The following PTPRN2 variants were observed in gnomAD, a reference collection of about 807,000 sequenced individuals.
The protein encoded by PTPRN2 is receptor-type tyrosine-protein phosphatase N2.
PTPRN2 carries 74 observed loss-of-function variants against 118.8 expected under a neutral mutation model. The observed-to-expected ratio is 0.62, with a 90% CI of 0.52 to 0.76. The LOEUF is 0.76. Among genes scored for constraint, PTPRN2 ranks in the 30% least tolerant of loss-of-function variants. The pLI, the probability that PTPRN2 is intolerant of heterozygous loss-of-function variation, is 0.00. For synonymous variants in PTPRN2, 641 were observed against 608.0 expected, an observed-to-expected ratio of 1.05 and a Z score of -0.80; for missense variants, 1,481 against 1,394.4, an observed-to-expected ratio of 1.06 and a Z score of -0.99.
chr7:157,756,947 T>C (rs1398347934), intron 12 of PTPRN2, among the ~76,000 whole-genome samples: 1 of 152,118 alleles, frequency 6.6e-6, no homozygotes, highest in Non-Finnish European at 1.5e-5. Context: ...CTGCGAAACA[T>C]GGACGGAGCC....
chr7:157,747,998 G>GCATGCAGT (rs1801114179), intron 12 of PTPRN2, among the ~76,000 whole-genome samples: 1 of 129,356 alleles, frequency 7.7e-6, no homozygotes, highest in Non-Finnish European at 1.6e-5. Context: ...TCTCTGAGCT[G>GCATGCAGT]TGGGGTGTCC....
intron 14 of PTPRN2, among the ~76,000 whole-genome samples, chr7:157,623,276 T>C (rs894363005): frequency 3.3e-5 from 5 of 151,966 alleles, no homozygotes; most frequent in African/African-American, 9.7e-5. Flanking sequence ...AGCTGGGAGG[T>C]TGATAGTTAT....
intron 11 of PTPRN2, among the ~76,000 whole-genome samples, chr7:158,011,162 C>T (rs1237820963): frequency 6.6e-6 from 1 of 152,184 alleles, no homozygotes; most frequent in Admixed American, 6.5e-5. Context: ...CACACAAAAC[C>T]CCACCTGGGT....
intron 11 of PTPRN2, among the ~76,000 whole-genome samples, chr7:157,994,095 A>G (rs1256711279): frequency 1.3e-5 from 2 of 152,064 alleles, no homozygotes; most frequent in African/African-American, 4.8e-5. Context: ...CACAGAGAAG[A>G]CCTAATGTAT....
At chr7:158,372,059 C>T (rs1213916127) in intron 2 of PTPRN2, among the ~76,000 whole-genome samples, 1 of 152,220 alleles carries the variant, frequency 6.6e-6, no homozygotes, top group Non-Finnish European at 1.5e-5. Context: ...CGCAGGGCCA[C>T]ACCTTCCGGG....
At chr7:158,228,720 A>G (rs1828978204) in intron 3 of PTPRN2, among the ~76,000 whole-genome samples, 1 of 152,128 alleles carries the variant, frequency 6.6e-6, no homozygotes, top group Non-Finnish European at 1.5e-5. Flanking sequence ...TTTGGCATCA[A>G]GAGTATGGGA....
chr7:158,071,001 A>ATGGTGGTGGAGGTGCTCG (rs1338367300), intron 11 of PTPRN2, among the ~76,000 whole-genome samples: 1 of 42,938 alleles, frequency 2.3e-5, no homozygotes, highest in Non-Finnish European at 4.1e-5. Context: ...GGAGGTGCTC[A>ATGGTGGTGGAGGTGCTCG]TGGTGGTGGA....
At chr7:157,819,606 G>A (rs1176457128) in intron 12 of PTPRN2, among the ~76,000 whole-genome samples, 1 of 149,780 alleles carries the variant, frequency 6.7e-6, no homozygotes, top group African/African-American at 2.5e-5. Flanking sequence ...CCGCCACAAG[G>A]GTACACCAAG....
intron 2 of PTPRN2, among the ~76,000 whole-genome samples, chr7:158,387,973 C>T (rs546014499): frequency 3.7e-4 from 56 of 152,294 alleles, no homozygotes; most frequent in African/African-American, 1.3e-3. Flanking sequence ...TTTACACACA[C>T]ATATATCTAT....
intron 15 of PTPRN2, among the ~76,000 whole-genome samples, chr7:157,608,903 C>T (rs1281868213): frequency 4.6e-5 from 7 of 152,180 alleles, no homozygotes; most frequent in East Asian, 3.9e-4. Flanking sequence ...CCATTAAGAA[C>T]GGGTGTGCTC....
intron 2 of PTPRN2, among the ~76,000 whole-genome samples, chr7:158,479,539 G>C (rs556738127): frequency 6.6e-6 from 1 of 152,210 alleles, no homozygotes; most frequent in Non-Finnish European, 1.5e-5. Flanking sequence ...CAGCAACTCT[G>C]AGACGCAGAG....
chr7:157,850,986 A>G (rs752499707), intron 12 of PTPRN2, among the ~76,000 whole-genome samples: 1 of 152,208 alleles, frequency 6.6e-6, no homozygotes, highest in African/African-American at 2.4e-5. Context: ...TGAAGGGTGG[A>G]AGAGAAAAGC....
rs150020536 is a variant in PTPRN2 at position 158,491,849 on chromosome 7, T to C, written c.113-2064A>G. Among the ~76,000 whole-genome samples the C allele has an allele frequency of 4.5e-3, 682 of 152,344 alleles. 5 individuals carry two copies. The highest frequency in any genetic ancestry group is 0.015 in the African/African-American group (640 of 41,566). On this transcript the variant is annotated intron_variant, in intron 1 of 22. Coordinates refer to ENST00000389418, the MANE Select transcript of PTPRN2 (RefSeq NM_002847.5). ...CTAACCCCACATTCAGTCTGCATTC[T>C]CTGCATTATTTCTTCATTCAACAAG...
intron 12 of PTPRN2, among the ~76,000 whole-genome samples, chr7:157,789,509 A>G (rs1018975127): frequency 2.6e-5 from 4 of 152,206 alleles, no homozygotes; most frequent in South Asian, 2.1e-4. Flanking sequence ...CCGGAGAGAA[A>G]AGGGGCGGCC....
At position 157,953,191 on chromosome 7, in the gene PTPRN2, GCA is replaced by G. The variant is rs1422456059; in HGVS notation, c.1724-54456_1724-54455del. Among the ~76,000 whole-genome samples, 5 of 152,226 alleles carry G rather than the reference GCA, an allele frequency of 3.3e-5. No individual in the cohort carries two copies. Among genetic ancestry groups the G allele is most frequent in the African/African-American group, 4.8e-5 (2 of 41,464 alleles). On this transcript the variant is annotated intron_variant, in intron 11 of 22. Coordinates refer to ENST00000389418, the MANE Select transcript of PTPRN2 (RefSeq NM_002847.5). This position sits in a 1 kb window ranked among gnomAD's most constrained non-coding sequence, Gnocchi z 4.6. ...TGTTGACTGTACCCGTGTGCAGCTT[GCA>G]CAGAGTCCCCAGCAGCTCTGGGGAG... is the stretch of plus-strand genomic sequence containing the variant.
chr7:157,549,136 G>A (rs1798469615), intron 21 of PTPRN2, 117 bp from the exon 22 acceptor site: 21 of 993,614 alleles, frequency 2.1e-5, no homozygotes, highest in East Asian at 4.8e-5. Context: ...AAATTATTAC[G>A]CTCATCCCTC....
chr7:157,889,152 G>T (rs538819822), intron 12 of PTPRN2, among the ~76,000 whole-genome samples: 7 of 152,130 alleles, frequency 4.6e-5, no homozygotes, highest in Non-Finnish European at 1.0e-4. Flanking sequence ...CTGACGGAAT[G>T]ACCTACTCTT....
At chr7:158,365,576 C>T (rs1402321310) in intron 2 of PTPRN2, among the ~76,000 whole-genome samples, 1 of 152,306 alleles carries the variant, frequency 6.6e-6, no homozygotes, top group African/African-American at 2.4e-5. Flanking sequence ...AACTGGCATG[C>T]GTGGAGTCTG....
At chr7:158,420,143 A>G (rs1415455728) in intron 2 of PTPRN2, among the ~76,000 whole-genome samples, 3 of 152,068 alleles carry the variant, frequency 2.0e-5, no homozygotes, top group Non-Finnish European at 4.4e-5. Context: ...TCTCCCTCCC[A>G]ATTCCTCCCG....
Sources: gnomAD v4.1 joint callset for allele counts (sites outside exome capture counted in the v4.1 genomes callset) on GRCh38, gnomAD v4.1.1 for gene constraint, Gnocchi (gnomAD v3.1) non-coding constraint, MANE v1.5 for transcripts, NCBI Gene and HGNC (gene_info 2026-07-23, HGNC 2026-07-21) for gene names.